PBRM1: variants seen among roughly 807,000 people sequenced by gnomAD.
PBRM1 encodes the protein polybromo 1.
A neutral mutation model predicts 194.5 loss-of-function variants in PBRM1; 27 were observed. The observed-to-expected ratio is 0.14, with a 90% CI of 0.10 to 0.19. The LOEUF is 0.19. Ranked by LOEUF, PBRM1 falls within the 10% of genes least tolerant of loss-of-function variation. The probability of loss-of-function intolerance (pLI) is 1.00; values close to 1 mark genes in which losing one functional copy is unlikely to be tolerated. For synonymous variants in PBRM1, 655 were observed against 693.2 expected (o/e 0.94, Z 0.87); for missense variants, 1,466 against 2,077.2 (o/e 0.71, Z 5.72).
At chr3:52,549,902 CAAA>C (rs775273816) in intron 29 of PBRM1, among the ~76,000 whole-genome samples, 1 of 120,534 alleles carries the variant, frequency 8.3e-6, no homozygotes. Flanking sequence ...GAGACTGTCT[CAAA>C]AAAAAAAAAA....
At chr3:52,640,981 A>C (rs1437627494) in intron 10 of PBRM1, among the ~76,000 whole-genome samples, 1 of 152,156 alleles carries the variant, frequency 6.6e-6, no homozygotes, top group African/African-American at 2.4e-5. Context: ...GCTAACAAGA[A>C]GATAATATTT....
chr3:52,634,121 C>T (rs939911614), intron 11 of PBRM1, among the ~76,000 whole-genome samples: 18 of 152,156 alleles, frequency 1.2e-4, no homozygotes, highest in African/African-American at 3.6e-4. Context: ...GAAAGATTTT[C>T]GTACTTTGCT....
chr3:52,576,553 T>C (rs771100470), exon 22 of PBRM1: 3 of 1,599,668 alleles, frequency 1.9e-6, no homozygotes, highest in Admixed American at 1.8e-5. Context: ...AGAATACATG[T>C]CATGGGGCAG....
In PBRM1 at chr3:52,621,572, C is replaced by T. The variant is rs1035445264; in HGVS notation, c.1542-4034G>A. On this transcript the variant is annotated intron_variant, in intron 13 of 29. Coordinates refer to ENST00000296302, the Ensembl canonical transcript of PBRM1. ...AACTGTGAATAGTTTCTTTATTCTTCCCCATTTTTGGAAAAGTAATTAACT... is the reference window on the plus strand; with the variant it reads ...AACTGTGAATAGTTTCTTTATTCTTTCCCATTTTTGGAAAAGTAATTAACT... Among the ~76,000 whole-genome samples the T allele has an allele frequency of 2.0e-5, 3 of 152,176 alleles. No homozygotes were observed. In the East Asian group the frequency reaches 5.8e-4, roughly 29 times the overall value.
In PBRM1 at chr3:52,565,880, C is replaced by A. The variant is rs1350782278; in HGVS notation, c.3692-1647G>T. On this transcript the variant is annotated intron_variant, in intron 22 of 29. Transcript: ENST00000296302. ...CCTGGCTAACACGGTGAAACCCCGTCTCTACTAACAGTACAAAAAATTAGC... is the reference window on the plus strand; with the variant it reads ...CCTGGCTAACACGGTGAAACCCCGTATCTACTAACAGTACAAAAAATTAGC... Among the ~76,000 whole-genome samples, 6 of 152,108 alleles carry A rather than the reference C, an allele frequency of 3.9e-5. No homozygotes were observed. In the South Asian group the frequency reaches 8.3e-4, roughly 21 times the overall value.
intron 13 of PBRM1, 99 bp downstream of exon 15, chr3:52,624,798 T>C: frequency 1.3e-6 from 1 of 789,896 alleles, no homozygotes; most frequent in East Asian, 2.7e-5. Flanking sequence ...AGACTTTTTT[T>C]CACATGCTTA....
chr3:52,676,380 T>A (rs1233474319), intron 2 of PBRM1, among the ~76,000 whole-genome samples: 1 of 152,134 alleles, frequency 6.6e-6, no homozygotes, highest in East Asian at 1.9e-4. Flanking sequence ...GTCTTTCCCG[T>A]GCTATTCTCG....
chr3:52,653,861 G>T (rs1445603565), intron 5 of PBRM1, among the ~76,000 whole-genome samples: 1 of 152,150 alleles, frequency 6.6e-6, no homozygotes, highest in African/African-American at 2.4e-5. Context: ...AGTGGGCTGA[G>T]ATCACGCCAC....
intron 9 of PBRM1, 34 bp downstream of exon 10, chr3:52,643,214 G>A (rs750281065): frequency 1.4e-6 from 2 of 1,424,708 alleles, no homozygotes; most frequent in African/African-American, 1.4e-5. Flanking sequence ...TATAAGCACA[G>A]GTCAACTCTC....
At position 52,642,045 on chromosome 3, in the gene PBRM1, AC is replaced by A; in HGVS notation, c.996-1del. Reference sequence around the variant, plus strand: ...GACCTCCTTGTACTGCTCTTTTATTACTACAAAAAAAAAAAAAGCAATTAGA... The same window carrying A: ...GACCTCCTTGTACTGCTCTTTTATTATACAAAAAAAAAAAAAGCAATTAGA... On this transcript the variant is annotated splice_acceptor_variant, in intron 9 of 29. Coordinates refer to ENST00000296302, the Ensembl canonical transcript of PBRM1. LOFTEE classifies it high-confidence loss of function. The A allele has an allele frequency of 1.4e-6, 2 of 1,460,512 alleles. No individual in the cohort carries two copies. Among genetic ancestry groups the A allele is most frequent in the Admixed American group, 3.6e-5 (2 of 56,072 alleles). The allele number at this position is 1,460,512 out of a possible 1,614,324, so 90.5% of individuals were successfully genotyped here. A position where few individuals can be genotyped will look rare whatever the true frequency, so the allele number is the denominator to read the frequency against.
intron 7 of PBRM1, among the ~76,000 whole-genome samples, chr3:52,646,658 A>T (rs1321497447): frequency 6.6e-6 from 1 of 152,150 alleles, no homozygotes; most frequent in Non-Finnish European, 1.5e-5. Flanking sequence ...CAATGGGGAA[A>T]GAATAATCTT....
At chr3:52,629,123 G>T in intron 11 of PBRM1, 88 bp from the exon 13 acceptor site, 1 of 980,978 alleles carries the variant, frequency 1.0e-6, no homozygotes, top group Non-Finnish European at 1.5e-6. Context: ...ATCTTGACAA[G>T]CACTACATGG....
At position 52,610,077 on chromosome 3, in the gene PBRM1, T is replaced by C. The variant is rs987999433; in HGVS notation, c.1925-122A>G. On this transcript the variant is annotated intron_variant, in intron 15 of 29. Transcript: ENST00000296302. ...TGTAAAATCTAGCAATTAGCATGTCTATAGTGAAATATAACCTGCAGACAA... is the reference window on the plus strand; with the variant it reads ...TGTAAAATCTAGCAATTAGCATGTCCATAGTGAAATATAACCTGCAGACAA... 17 of 567,240 alleles carry C rather than the reference T, an allele frequency of 3.0e-5. No homozygotes were observed. The African/African-American group carries it at 3.3e-4, about 11-fold the overall frequency. The allele number at this position is 567,240 out of a possible 1,614,324, so 35.1% of individuals were successfully genotyped here. A position where few individuals can be genotyped will look rare whatever the true frequency, so the allele number is the denominator to read the frequency against.
upstream of PBRM1, chr3:52,681,352 C>G (rs1375630793): frequency 6.6e-6 from 1 of 152,054 alleles, no homozygotes; most frequent in Non-Finnish European, 1.5e-5. Flanking sequence ...AAAACAAAAT[C>G]TACCACGATG....
chr3:52,598,639 T>G (rs983923719), intron 17 of PBRM1, among the ~76,000 whole-genome samples: 3 of 152,186 alleles, frequency 2.0e-5, no homozygotes, highest in Non-Finnish European at 4.4e-5. Flanking sequence ...ATCCCAGCAC[T>G]TTGGGAATCT....
At chr3:52,684,750 G>A (rs1314845081) in intron 1 of PBRM1, 2 of 152,154 alleles carry the variant, frequency 1.3e-5, no homozygotes, top group African/African-American at 2.4e-5. Context: ...ATTTTGGTAG[G>A]ATATTAACAT....
Position 52,624,877 on chromosome 3 carries a change from C to A in PBRM1, c.1541+2396G>T. The A allele has an allele frequency of 6.8e-7, 1 of 1,466,942 alleles. No individual in the cohort carries two copies. Among genetic ancestry groups the A allele is most frequent in the Non-Finnish European group, 9.3e-7 (1 of 1,070,846 alleles). The allele number at this position is 1,466,942 out of a possible 1,614,324, so 90.9% of individuals were successfully genotyped here. A position where few individuals can be genotyped will look rare whatever the true frequency, so the allele number is the denominator to read the frequency against. On this transcript the variant is annotated intron_variant, in intron 13 of 29. Transcript: ENST00000296302. ...GATACACTTTAAAAGAATGTTTATGCATAAAAAAGGACTGCACACCTGGAT... is the reference window on the plus strand; with the variant it reads ...GATACACTTTAAAAGAATGTTTATGAATAAAAAAGGACTGCACACCTGGAT...
At chr3:52,621,708 A>G (rs2095282118) in intron 13 of PBRM1, among the ~76,000 whole-genome samples, 1 of 152,204 alleles carries the variant, frequency 6.6e-6, no homozygotes, top group Non-Finnish European at 1.5e-5. Flanking sequence ...ATACATCTTA[A>G]AGGAATTCAA....
At chr3:52,580,299 A>C (rs936475311) in intron 20 of PBRM1, among the ~76,000 whole-genome samples, 4 of 152,160 alleles carry the variant, frequency 2.6e-5, no homozygotes, top group Non-Finnish European at 4.4e-5. Context: ...TACTATTTTG[A>C]TTTATTCCAA....
Sources: gnomAD v4.1 joint callset for allele counts (sites outside exome capture counted in the v4.1 genomes callset) on GRCh38, gnomAD v4.1.1 for gene constraint, MANE v1.5 for transcripts, NCBI Gene and HGNC (gene_info 2026-07-23, HGNC 2026-07-21) for gene names.